The following ZC3H4 variants were observed in gnomAD, a reference collection of about 807,000 sequenced individuals.
ZC3H4 encodes zinc finger CCCH domain-containing protein 4.
ZC3H4 carries 13 observed loss-of-function variants against 108.3 expected under a neutral mutation model. The ratio of observed to expected loss-of-function variants is 0.12; its 90% CI spans 0.08 to 0.19. The LOEUF (loss-of-function observed/expected upper bound fraction) is 0.19, where lower values mean the gene tolerates loss of function less well. Among genes scored for constraint, ZC3H4 ranks in the 10% least tolerant of loss-of-function variants. ZC3H4 has a pLI of 1.00. For synonymous variants in ZC3H4, 917 were observed against 749.6 expected (o/e 1.22, Z -3.65); for missense variants, 1,734 against 1,838.8 (o/e 0.94, Z 1.04).
In ZC3H4 at chr19:47,112,533, G is replaced by T; in HGVS notation, c.52C>A (p.Pro18Thr). The T allele has an allele frequency of 4.7e-6, 5 of 1,067,076 alleles. No homozygotes were observed. The highest frequency in any genetic ancestry group is 4.8e-6 in the Non-Finnish European group (4 of 830,480). 66.1% of individuals were successfully genotyped at this position (1,067,076 alleles called of 1,614,324 possible). A position where few individuals can be genotyped will look rare whatever the true frequency, so the allele number is the denominator to read the frequency against. The change falls in exon 2 of 15, where the codon CCG becomes ACG. Residue 18 changes from proline (P) to threonine (T), a missense_variant. This residue lies in a region of ZC3H4 where 112 missense variants were observed against 73.3 expected (regional missense o/e 1.53). Coordinates refer to ENST00000253048, the MANE Select transcript of ZC3H4 (RefSeq NM_015168.2). ...PPPPPSESPP[P>T]PSPPPPSTPS... is the part of the protein sequence containing the mutation. The stretch of plus-strand genomic sequence containing the variant: ...GTTGATGGCGGCGGCGGCGATGGCG[G>T]CGGCGGCGACTCTGATGGCGGCGGC...
chr19:47,074,543 C>T (rs1027723784), intron 11 of ZC3H4, among the ~76,000 whole-genome samples: 4 of 152,210 alleles, frequency 2.6e-5, no homozygotes, highest in Admixed American at 6.5e-5. Context: ...GGCTAGGCCT[C>T]GGCTGGTGTC....
chr19:47,082,354 G>A, intron 9 of ZC3H4, 59 bp from the exon 10 acceptor site: 1 of 1,267,782 alleles, frequency 7.9e-7, no homozygotes, highest in South Asian at 1.2e-5. Flanking sequence ...GCTTACTTCT[G>A]TCTGCAAAGG....
At chr19:47,100,774 C>T (rs1177963756) in intron 2 of ZC3H4, among the ~76,000 whole-genome samples, 1 of 152,148 alleles carries the variant, frequency 6.6e-6, no homozygotes, top group East Asian at 1.9e-4. Flanking sequence ...TTTCGGCTCA[C>T]TGCAACCTTC....
At chr19:47,112,638 T>C in intron 1 of ZC3H4, 49 bp from the exon 2 acceptor site, 1 of 1,205,356 alleles carries the variant, frequency 8.3e-7, no homozygotes, top group Admixed American at 4.2e-5. Context: ...TGCTTGGGCG[T>C]GGCGGGAGGG....
intron 14 of ZC3H4, among the ~76,000 whole-genome samples, chr19:47,068,694 T>TA (rs2057266192): frequency 6.6e-6 from 1 of 152,208 alleles, no homozygotes; most frequent in Admixed American, 6.5e-5. Flanking sequence ...GGCTCGTGAC[T>TA]ATGATTATTA....
chr19:47,072,565 G>T lies in ZC3H4; in HGVS notation c.1589C>A (p.Thr530Asn), dbSNP rs775020024. The change falls in exon 12 of 15, where the codon ACC becomes AAC. Residue 530 changes from threonine (T) to asparagine (N), a missense_variant. Around this residue, in one of 9 missense-constraint regions of ZC3H4, gnomAD observed 75 missense variants for 85.8 expected, o/e 0.87. Transcript: ENST00000253048. This position sits in a 1 kb window ranked among gnomAD's most constrained non-coding sequence, Gnocchi z 5.6. ...PPRPPGPQAP[T>N]SPNGRPMQGG... ...CTGCATGGGCCTGCCGTTGGGAGAGGTTGGAGCCTGCGGGCCAGGGGGCCG... is the reference window on the plus strand; with the variant it reads ...CTGCATGGGCCTGCCGTTGGGAGAGTTTGGAGCCTGCGGGCCAGGGGGCCG... 6.2e-5 allele frequency: 96 copies of T among 1,560,568 alleles called. 1 individual carries two copies. Among genetic ancestry groups the T allele is most frequent in the South Asian group, 5.4e-4 (46 of 85,800 alleles).
At chr19:47,082,388 G>T in intron 9 of ZC3H4, 93 bp from the exon 10 acceptor site, 1 of 921,772 alleles carries the variant, frequency 1.1e-6, no homozygotes, top group Non-Finnish European at 1.8e-6. Context: ...CACTGCTGGT[G>T]CATGGAGGGG....
intron 2 of ZC3H4, among the ~76,000 whole-genome samples, chr19:47,096,178 G>C (rs1423973653): frequency 6.6e-6 from 1 of 152,140 alleles, no homozygotes; most frequent in African/African-American, 2.4e-5. Flanking sequence ...TCAAACCCAA[G>C]TGGCCCAGCC....
intron 2 of ZC3H4, among the ~76,000 whole-genome samples, chr19:47,100,826 G>A (rs1421776758): frequency 2.0e-5 from 3 of 151,972 alleles, no homozygotes; most frequent in Non-Finnish European, 4.4e-5. Flanking sequence ...AGCCTCCTGA[G>A]TACTGGGATT....
rs190509807 is a variant in ZC3H4 at position 47,095,687 on chromosome 19, A to C, written c.162-1079T>G. Among the ~76,000 whole-genome samples, 57 of 152,302 alleles carry C rather than the reference A, an allele frequency of 3.7e-4. 1 individual carries two copies. Among genetic ancestry groups the C allele is most frequent in the Non-Finnish European group, 7.5e-4 (51 of 68,016 alleles). On this transcript the variant is annotated intron_variant, in intron 2 of 14. Transcript: ENST00000253048. ...ATTGGGTTCAGGAGGGGGAGGCTGG[A>C]AAAAGAATCCAGTTTTTGAGCCAAA... is the stretch of plus-strand genomic sequence containing the variant.
chr19:47,078,160 CTATT>C (rs767818136), intron 11 of ZC3H4, among the ~76,000 whole-genome samples: 2 of 152,126 alleles, frequency 1.3e-5, no homozygotes, highest in African/African-American at 4.8e-5. Flanking sequence ...TAAACTATCT[CTATT>C]TTTTTCATTA....
chr19:47,097,019 T>C, intron 2 of ZC3H4: 1 of 983,966 alleles, frequency 1.0e-6, no homozygotes, highest in Non-Finnish European at 1.2e-6. Context: ...CAGGCTACTC[T>C]ACATCTAACA....
intron 3 of ZC3H4, 60 bp from the exon 4 acceptor site, chr19:47,094,140 T>G: frequency 1.3e-6 from 2 of 1,529,498 alleles, no homozygotes; most frequent in Non-Finnish European, 1.8e-6. Context: ...TCGGGCACAG[T>G]CAGCCTCAGG....
At chr19:47,093,784 T>C in intron 4 of ZC3H4, 186 bp downstream of exon 4, 1 of 498,742 alleles carries the variant, frequency 2.0e-6, no homozygotes, top group South Asian at 3.6e-5. Flanking sequence ...CTTGGTTGTC[T>C]GGGCTGCCTT....
chr19:47,103,385 C>G (rs556432037), intron 2 of ZC3H4, among the ~76,000 whole-genome samples: 104 of 152,246 alleles, frequency 6.8e-4, no homozygotes, highest in African/African-American at 2.5e-3. Context: ...TTCAATGCAG[C>G]CTTGATCTCC....
At chr19:47,110,867 A>AG in intron 2 of ZC3H4, 1 of 973,898 alleles carries the variant, frequency 1.0e-6, no homozygotes, top group Non-Finnish European at 1.2e-6. Flanking sequence ...AGAACAAAAC[A>AG]GAAAAAAAAA....
At chr19:47,073,568 T>C (rs1258823240) in intron 11 of ZC3H4, among the ~76,000 whole-genome samples, 2 of 152,096 alleles carry the variant, frequency 1.3e-5, no homozygotes, top group Non-Finnish European at 2.9e-5. Context: ...CCAGACTCCA[T>C]CTCAAAAAAC....
intron 13 of ZC3H4, 141 bp downstream of exon 13, chr19:47,071,637 C>T: frequency 1.2e-6 from 1 of 860,682 alleles, no homozygotes; most frequent in East Asian, 2.8e-5. Context: ...TCACTGAAAA[C>T]ATTCAACCAT....
In ZC3H4 at chr19:47,066,537, TGGGGTGGGGCACCCTCGG is replaced by T. The variant is rs745847054; in HGVS notation, c.3713_3730del (p.Pro1238_Pro1243del). 5 of 1,529,202 alleles carry T rather than the reference TGGGGTGGGGCACCCTCGG, an allele frequency of 3.3e-6. No homozygotes were observed. The highest frequency in any genetic ancestry group is 1.4e-5 in the African/African-American group (1 of 72,854). 94.7% of individuals were successfully genotyped at this position (1,529,202 alleles called of 1,614,324 possible). A position where few individuals can be genotyped will look rare whatever the true frequency, so the allele number is the denominator to read the frequency against. On this transcript the variant is annotated inframe_deletion, in exon 15 of 15. Coordinates refer to ENST00000253048, the MANE Select transcript of ZC3H4 (RefSeq NM_015168.2). Reference sequence around the variant, plus strand: ...CACGGGCAGGTTGTGCACCCCGGGCTGGGGTGGGGCACCCTCGGGGGGTGGGGTGGCGGTGGTGGCAGC... The same window carrying T: ...CACGGGCAGGTTGTGCACCCCGGGCTGGGGTGGGGTGGCGGTGGTGGCAGC...
Sources: gnomAD v4.1 joint callset for allele counts (sites outside exome capture counted in the v4.1 genomes callset) on GRCh38, gnomAD v4.1.1 for gene constraint, gnomAD v4.1.1 regional missense constraint, Gnocchi (gnomAD v3.1) non-coding constraint, MANE v1.5 for transcripts, NCBI Gene and HGNC (gene_info 2026-07-23, HGNC 2026-07-21) for gene names.